The following PDE3B variants were observed in gnomAD, a reference collection of about 807,000 sequenced individuals.
PDE3B encodes the protein cGMP-inhibited 3',5'-cyclic phosphodiesterase 3B.
PDE3B carries 66 observed loss-of-function variants against 116.8 expected under a neutral mutation model. The observed-to-expected ratio is 0.56, with a 90% CI of 0.46 to 0.69. The LOEUF (loss-of-function observed/expected upper bound fraction) is 0.69, where lower values mean the gene tolerates loss of function less well. Among genes scored for constraint, PDE3B ranks in the 30% least tolerant of loss-of-function variants. The probability of loss-of-function intolerance (pLI) is 0.00; values close to 1 mark genes in which losing one functional copy is unlikely to be tolerated. For synonymous variants in PDE3B, 595 were observed against 533.6 expected, an observed-to-expected ratio of 1.12 and a Z score of -1.59; for missense variants, 1,384 against 1,368.1, an observed-to-expected ratio of 1.01 and a Z score of -0.18.
At chr11:14,784,050 G>A (rs970010895) in intron 2 of PDE3B, among the ~76,000 whole-genome samples, 44 of 152,240 alleles carry the variant, frequency 2.9e-4, no homozygotes, top group Non-Finnish European at 4.4e-4. Flanking sequence ...GGGATTTGGG[G>A]TTGTACGCTC....
intron 2 of PDE3B, among the ~76,000 whole-genome samples, chr11:14,777,592 G>A (rs1857825790): frequency 6.6e-6 from 1 of 152,166 alleles, no homozygotes; most frequent in Non-Finnish European, 1.5e-5. Flanking sequence ...GAAGGAAGTG[G>A]CAGAACACTT....
At chr11:14,853,217 C>T (rs1433789472) in intron 12 of PDE3B, among the ~76,000 whole-genome samples, 1 of 152,038 alleles carries the variant, frequency 6.6e-6, no homozygotes, top group Non-Finnish European at 1.5e-5. Flanking sequence ...TCCTTCTCTG[C>T]TTTTTTTCCA....
At chr11:14,653,607 A>G (rs1418472406) in intron 1 of PDE3B, among the ~76,000 whole-genome samples, 3 of 151,728 alleles carry the variant, frequency 2.0e-5, no homozygotes, top group African/African-American at 7.3e-5. Context: ...ACACCCACCA[A>G]AGCTTCGGAT....
chr11:14,884,480 A>C, the PDE3B span, among the ~76,000 whole-genome samples: 136 of 144,064 alleles, frequency 9.4e-4, no homozygotes, highest in African/African-American at 2.4e-3. Flanking sequence ...GGAACTGAAC[A>C]ATGAGAACAC....
intron 15 of PDE3B, among the ~76,000 whole-genome samples, chr11:14,868,390 A>G (rs995028111): frequency 4.6e-5 from 7 of 152,104 alleles, no homozygotes; most frequent in Non-Finnish European, 1.0e-4. Context: ...ATAGCAGCCT[A>G]CTAATCTGCT....
rs576806510 is a variant in PDE3B, at chr11:14,761,283, G to A, written c.979-10654G>A. On this transcript the variant is annotated intron_variant, in intron 1 of 15. Transcript: ENST00000282096. Reference sequence around the variant, plus strand: ...TAAATGGTAATTTTTTCTTTGTGTGGCACTACCAAAAAGTGCAATGTTTGG... The same window carrying A: ...TAAATGGTAATTTTTTCTTTGTGTGACACTACCAAAAAGTGCAATGTTTGG... Among the ~76,000 whole-genome samples, 31 of 152,046 alleles carry A rather than the reference G, an allele frequency of 2.0e-4. No homozygotes were observed. The South Asian group carries it at 6.2e-3, about 31-fold the overall frequency.
At chr11:14,688,140 T>TCCCTCC (rs1554981850) in intron 1 of PDE3B, among the ~76,000 whole-genome samples, 1 of 97,816 alleles carries the variant, frequency 1.0e-5, no homozygotes, top group Non-Finnish European at 2.2e-5. Flanking sequence ...TCTCTCTCTC[T>TCCCTCC]CTCCCTCCCT....
At chr11:14,680,801 C>T (rs1008719063) in intron 1 of PDE3B, among the ~76,000 whole-genome samples, 2 of 150,778 alleles carry the variant, frequency 1.3e-5, no homozygotes, top group Non-Finnish European at 1.5e-5. Flanking sequence ...AAGGAATGGA[C>T]ATTTTTTACT....
chr11:14,732,358 C>T (rs1856481174), intron 1 of PDE3B, among the ~76,000 whole-genome samples: 2 of 152,114 alleles, frequency 1.3e-5, no homozygotes, highest in Non-Finnish European at 2.9e-5. Flanking sequence ...GCTGTTAATG[C>T]CCAGTCAATA....
At chr11:14,668,000 C>G (rs527307552) in intron 1 of PDE3B, among the ~76,000 whole-genome samples, 1 of 150,610 alleles carries the variant, frequency 6.6e-6, no homozygotes, top group African/African-American at 2.4e-5. Flanking sequence ...AAAAGAAATA[C>G]ATTTTGGCCA....
chr11:14,643,935 GGGCCGTGGC>G lies in PDE3B; in HGVS notation c.-135_-127del. 3.2e-6 allele frequency: 4 copies of G among 1,258,142 alleles called. No individual in the cohort carries two copies. Among genetic ancestry groups the G allele is most frequent in the Non-Finnish European group, 4.1e-6 (4 of 976,644 alleles). 77.9% of individuals were successfully genotyped at this position (1,258,142 alleles called of 1,614,324 possible). On this transcript the variant is annotated 5_prime_UTR_variant, in exon 1 of 16. Transcript: ENST00000282096. ...CCTCAGTCCGCGCGGTGGGGACCCC[GGGCCGTGGC>G]GGCCGGCGCAGCCCTGACGGGTTGC...
At chr11:14,673,404 T>TAA (rs1037798676) in intron 1 of PDE3B, among the ~76,000 whole-genome samples, 2 of 144,976 alleles carry the variant, frequency 1.4e-5, no homozygotes, top group Non-Finnish European at 3.0e-5. Flanking sequence ...ACTTTGAAAT[T>TAA]AAAAAAAAAA....
At chr11:14,725,817 A>G (rs777739309) in intron 1 of PDE3B, among the ~76,000 whole-genome samples, 1 of 151,318 alleles carries the variant, frequency 6.6e-6, no homozygotes, top group Non-Finnish European at 1.5e-5. Context: ...CCAGCTTCCA[A>G]TCTTGTCCCC....
intron 1 of PDE3B, among the ~76,000 whole-genome samples, chr11:14,725,289 T>TTC (rs1359308414): frequency 6.7e-5 from 10 of 148,498 alleles, no homozygotes; most frequent in African/African-American, 1.0e-4. Flanking sequence ...CTTTCTTTCT[T>TTC]TTTCTTTCTT....
intron 1 of PDE3B, among the ~76,000 whole-genome samples, chr11:14,648,087 C>T (rs1320581325): frequency 6.6e-6 from 1 of 151,830 alleles, no homozygotes; most frequent in Admixed American, 6.5e-5. Context: ...AAAAATCAGT[C>T]GTCTGCATAG....
At chr11:14,695,143 T>C (rs1667120099) in intron 1 of PDE3B, among the ~76,000 whole-genome samples, 1 of 152,224 alleles carries the variant, frequency 6.6e-6, no homozygotes, top group African/African-American at 2.4e-5. Context: ...CTGACTTCTA[T>C]TTCCATTTCT....
intron 5 of PDE3B, among the ~76,000 whole-genome samples, chr11:14,816,324 C>T (rs1172817599): frequency 3.3e-5 from 5 of 152,228 alleles, no homozygotes; most frequent in Admixed American, 6.5e-5. Context: ...TTGACACCAT[C>T]GCACACATCT....
At chr11:14,651,282 T>C (rs1337146918) in intron 1 of PDE3B, among the ~76,000 whole-genome samples, 1 of 152,186 alleles carries the variant, frequency 6.6e-6, no homozygotes, top group African/African-American at 2.4e-5. Context: ...TGTACCTGTC[T>C]TTGTTTCCAA....
chr11:14,666,729 A>G (rs1854166397), intron 1 of PDE3B, among the ~76,000 whole-genome samples: 2 of 151,814 alleles, frequency 1.3e-5, no homozygotes, highest in African/African-American at 4.8e-5. Flanking sequence ...CAAAACCACA[A>G]TGAGATACCA....
Sources: gnomAD v4.1 joint callset for allele counts (sites outside exome capture counted in the v4.1 genomes callset) on GRCh38, gnomAD v4.1.1 for gene constraint, MANE v1.5 for transcripts, NCBI Gene and HGNC (gene_info 2026-07-23, HGNC 2026-07-21) for gene names.